Variants in LPXN observed in about 807,000 individuals in gnomAD.
LPXN encodes leupaxin.
LPXN carries 28 observed loss-of-function variants against 45.6 expected under a neutral mutation model. That is an observed-to-expected ratio of 0.61 (90% CI 0.45 to 0.84). The LOEUF is 0.84. LPXN is among the 40% of genes least tolerant of loss of function. LPXN has a pLI of 0.00. For missense variants in LPXN, 459 were observed against 475.0 expected (o/e 0.97, Z 0.31); for synonymous variants, 166 against 169.9 (o/e 0.98, Z 0.18).
intron 7 of LPXN, among the ~76,000 whole-genome samples, chr11:58,539,105 G>A (rs542283165): frequency 2.7e-4 from 41 of 152,198 alleles, no homozygotes; most frequent in Admixed American, 2.6e-3. Context: ...CCTGGAGTTC[G>A]AGACAAGCCC....
chr11:58,548,909 AC>A (rs139923905), intron 7 of LPXN, among the ~76,000 whole-genome samples: 3,551 of 152,268 alleles, frequency 0.023, 55 homozygotes, highest in African/African-American at 0.025. Context: ...CAACATATGC[AC>A]ACTTAATACT....
chr11:58,534,141 C>T (rs1853478644), intron 7 of LPXN, among the ~76,000 whole-genome samples: 2 of 152,154 alleles, frequency 1.3e-5, no homozygotes, highest in African/African-American at 4.8e-5. Context: ...CAAGGATATT[C>T]AGGACTTGAA....
intron 2 of LPXN, among the ~76,000 whole-genome samples, chr11:58,569,875 C>G (rs1319484488): frequency 6.6e-6 from 1 of 152,180 alleles, no homozygotes; most frequent in African/African-American, 2.4e-5. Flanking sequence ...TGCCACCTGG[C>G]CTTCCTCAGG....
intron 1 of LPXN, among the ~76,000 whole-genome samples, chr11:58,572,335 T>C (rs1473513408): frequency 6.6e-6 from 1 of 152,116 alleles, no homozygotes; most frequent in Non-Finnish European, 1.5e-5. Context: ...TAATCATCCA[T>C]TTATCAAAAA....
At chr11:58,551,289 T>G in intron 4 of LPXN, 57 bp from the exon 5 acceptor site, 1 of 1,439,530 alleles carries the variant, frequency 6.9e-7, no homozygotes, top group Non-Finnish European at 9.4e-7. Flanking sequence ...CTCATTGGCA[T>G]CTTCTAATGA....
chr11:58,577,475 C>T (rs1346060058), upstream of LPXN, among the ~76,000 whole-genome samples: 1 of 147,776 alleles, frequency 6.8e-6, no homozygotes, highest in Non-Finnish European at 1.5e-5. Flanking sequence ...TTTCCAGCTT[C>T]TTTCTTTTGG....
intron 7 of LPXN, among the ~76,000 whole-genome samples, chr11:58,539,754 GA>G: frequency 6.6e-6 from 1 of 152,152 alleles, no homozygotes; most frequent in African/African-American, 2.4e-5. Flanking sequence ...CTTATTAATA[GA>G]AAGTGTCAAA....
intron 7 of LPXN, among the ~76,000 whole-genome samples, chr11:58,538,445 A>T (rs1853620502): frequency 6.6e-6 from 1 of 151,816 alleles, no homozygotes; most frequent in African/African-American, 2.4e-5. Flanking sequence ...TTGTTTCCTG[A>T]CTTTTTAATG....
At chr11:58,532,312 G>A (rs1258983344) in intron 7 of LPXN, among the ~76,000 whole-genome samples, 1 of 152,252 alleles carries the variant, frequency 6.6e-6, no homozygotes, top group Admixed American at 6.5e-5. Context: ...GACCGCCCAA[G>A]GGCTGAGGAG....
intron 4 of LPXN, among the ~76,000 whole-genome samples, chr11:58,554,304 C>T (rs1230804752): frequency 6.6e-6 from 1 of 152,038 alleles, no homozygotes; most frequent in Non-Finnish European, 1.5e-5. Context: ...CAGAGCAAGA[C>T]TCCATCTCAA....
intron 3 of LPXN, among the ~76,000 whole-genome samples, chr11:58,559,946 T>C (rs1017657381): frequency 1.3e-5 from 2 of 152,166 alleles, no homozygotes; most frequent in East Asian, 1.9e-4. Context: ...AGTATGAATA[T>C]GCACACACAT....
intron 3 of LPXN, among the ~76,000 whole-genome samples, chr11:58,557,738 A>G (rs1009437766): frequency 6.6e-6 from 1 of 152,226 alleles, no homozygotes; most frequent in Non-Finnish European, 1.5e-5. Context: ...AAAATGTGTA[A>G]CTGTGTGAGA....
chr11:58,571,752 G>A (rs1017019763), intron 1 of LPXN, among the ~76,000 whole-genome samples: 7 of 151,708 alleles, frequency 4.6e-5, no homozygotes, highest in African/African-American at 7.3e-5. Context: ...CACATGCCAG[G>A]CACTGTGCTC....
At chr11:58,563,711 T>C (rs1362009574) in intron 3 of LPXN, among the ~76,000 whole-genome samples, 3 of 152,134 alleles carry the variant, frequency 2.0e-5, no homozygotes, top group Non-Finnish European at 4.4e-5. Flanking sequence ...TTTGAGCAAA[T>C]ATGGAAAGAA....
upstream of LPXN, among the ~76,000 whole-genome samples, chr11:58,578,434 C>G (rs1432866065): frequency 6.6e-6 from 1 of 152,184 alleles, no homozygotes; most frequent in Non-Finnish European, 1.5e-5. Flanking sequence ...GGTGCGCATG[C>G]GCCAAGAGGC....
rs1854673014 is a variant in LPXN at position 58,570,841 on chromosome 11, T to C, written c.14-128A>G. On this transcript the variant is annotated intron_variant, in intron 1 of 8. Transcript: ENST00000395074. ...TTCAATTATGGCTATTTTCAAATACTTTCCCTTATTCCTTATTTCACTTCA... is the reference window on the plus strand; with the variant it reads ...TTCAATTATGGCTATTTTCAAATACCTTCCCTTATTCCTTATTTCACTTCA... 4.8e-6 allele frequency: 3 copies of C among 621,100 alleles called. No individual in the cohort carries two copies. The South Asian group carries it at 1.1e-4, about 23-fold the overall frequency. 38.5% of individuals were successfully genotyped at this position (621,100 alleles called of 1,614,324 possible).
intron 7 of LPXN, among the ~76,000 whole-genome samples, chr11:58,531,050 G>A (rs1362763236): frequency 2.6e-5 from 4 of 152,108 alleles, no homozygotes; most frequent in Non-Finnish European, 5.9e-5. Context: ...CCATCTGAAG[G>A]TCACCAACTT....
chr11:58,550,253 A>C (rs1034759598), intron 5 of LPXN, 107 bp from the exon 6 acceptor site: 2 of 1,040,158 alleles, frequency 1.9e-6, no homozygotes, highest in Non-Finnish European at 2.9e-6. Context: ...CTTGTAGACA[A>C]CACGCCCTGG....
intron 7 of LPXN, among the ~76,000 whole-genome samples, chr11:58,548,933 A>G (rs1158775710): frequency 6.6e-6 from 1 of 152,212 alleles, no homozygotes; most frequent in Non-Finnish European, 1.5e-5. Flanking sequence ...TCTAACCTGT[A>G]ATTATGACAT....
Sources: allele counts gnomAD v4.1 joint callset (sites outside exome capture counted in the v4.1 genomes callset), GRCh38; gene constraint gnomAD v4.1.1; transcripts MANE v1.5; gene names NCBI Gene and HGNC (gene_info 2026-07-23, HGNC 2026-07-21).